EPB41L4A: variants seen among roughly 807,000 people sequenced by gnomAD.
EPB41L4A encodes erythrocyte membrane protein band 4.1 like 4A.
In EPB41L4A, 100 loss-of-function variants were observed where a neutral mutation model predicts 108.6. The observed-to-expected ratio is 0.92, with a 90% CI of 0.78 to 1.09. The LOEUF is 1.09. EPB41L4A is among the 50% of genes least tolerant of loss of function. The pLI, the probability that EPB41L4A is intolerant of heterozygous loss-of-function variation, is 0.00. For synonymous variants in EPB41L4A, 319 were observed against 289.0 expected (o/e 1.10, Z -1.05); for missense variants, 1,030 against 842.7 (o/e 1.22, Z -2.75).
At chr5:112,369,082 T>C (rs1759320042) in intron 1 of EPB41L4A, among the ~76,000 whole-genome samples, 4 of 152,188 alleles carry the variant, frequency 2.6e-5, no homozygotes, top group Admixed American at 1.3e-4. Context: ...TTGGTTTCCA[T>C]AGTATTATCG....
intron 1 of EPB41L4A, among the ~76,000 whole-genome samples, chr5:112,383,907 A>G (rs970599668): frequency 6.6e-6 from 1 of 152,242 alleles, no homozygotes; most frequent in African/African-American, 2.4e-5. Context: ...AGATAGGTTA[A>G]AAGTTAAGTG....
chr5:112,303,101 T>C (rs1580644578), intron 2 of EPB41L4A, among the ~76,000 whole-genome samples: 1 of 152,344 alleles, frequency 6.6e-6, no homozygotes, highest in South Asian at 2.1e-4. Flanking sequence ...TAATCCAGCA[T>C]GACAATCTTC....
At chr5:112,243,133 G>C (rs923125837) in intron 9 of EPB41L4A, among the ~76,000 whole-genome samples, 4 of 150,232 alleles carry the variant, frequency 2.7e-5, no homozygotes, top group African/African-American at 1.0e-4. Context: ...AGAATGGCTT[G>C]AATCCGGGAG....
chr5:112,220,614 C>A (rs1486370268), intron 12 of EPB41L4A, among the ~76,000 whole-genome samples: 4 of 152,134 alleles, frequency 2.6e-5, no homozygotes, highest in African/African-American at 7.2e-5. Context: ...TCTTAGAAAG[C>A]CTCTGTGTGT....
At chr5:112,239,794 C>T in intron 10 of EPB41L4A, 57 bp from the exon 11 acceptor site, 1 of 1,157,694 alleles carries the variant, frequency 8.6e-7, no homozygotes, top group Non-Finnish European at 1.3e-6. Flanking sequence ...GCATTCTGGG[C>T]CACCCCCTTC....
chr5:112,165,517 A>G (rs988576249), intron 22 of EPB41L4A, among the ~76,000 whole-genome samples: 1 of 152,154 alleles, frequency 6.6e-6, no homozygotes, highest in Admixed American at 6.5e-5. Flanking sequence ...GAATGGAACA[A>G]TGTCTTGTGA....
chr5:112,221,146 AC>A (rs527836517), intron 12 of EPB41L4A, among the ~76,000 whole-genome samples: 76 of 152,166 alleles, frequency 5.0e-4, no homozygotes, highest in Non-Finnish European at 9.3e-4. Flanking sequence ...TATACAATCC[AC>A]CCTAGCAGTT....
chr5:112,363,015 T>G (rs531158823), intron 1 of EPB41L4A, among the ~76,000 whole-genome samples: 1 of 152,142 alleles, frequency 6.6e-6, no homozygotes, highest in Non-Finnish European at 1.5e-5. Context: ...GGAAGCCAAT[T>G]CCTACCTGAG....
intron 18 of EPB41L4A, among the ~76,000 whole-genome samples, chr5:112,178,731 A>G (rs772602618): frequency 1.9e-4 from 29 of 152,062 alleles, no homozygotes; most frequent in Non-Finnish European, 3.2e-4. Context: ...GTATGATAAC[A>G]AAAACAATGT....
At chr5:112,371,020 C>T (rs951598413) in intron 1 of EPB41L4A, among the ~76,000 whole-genome samples, 1 of 152,180 alleles carries the variant, frequency 6.6e-6, no homozygotes, top group African/African-American at 2.4e-5. Context: ...TCGTGCAATA[C>T]CTTCTATGCA....
chr5:112,291,268 ACTGGACTC>A (rs1468474011), intron 2 of EPB41L4A, among the ~76,000 whole-genome samples: 1 of 151,872 alleles, frequency 6.6e-6, no homozygotes, highest in African/African-American at 2.4e-5. Context: ...CTCTAGCATC[ACTGGACTC>A]CTCTCAGTTC....
chr5:112,351,811 G>A (rs1242911509), intron 1 of EPB41L4A, among the ~76,000 whole-genome samples: 1 of 152,122 alleles, frequency 6.6e-6, no homozygotes, highest in East Asian at 1.9e-4. Flanking sequence ...CAACTGGGGG[G>A]ATTTCTCCTA....
chr5:112,411,271 T>C (rs1455355112), intron 1 of EPB41L4A, among the ~76,000 whole-genome samples: 1 of 152,026 alleles, frequency 6.6e-6, no homozygotes, highest in Non-Finnish European at 1.5e-5. Flanking sequence ...ATTCTAGTGG[T>C]GGTTGAGGCA....
intron 2 of EPB41L4A, among the ~76,000 whole-genome samples, chr5:112,288,057 G>C (rs1310862049): frequency 6.6e-6 from 1 of 152,176 alleles, no homozygotes; most frequent in Non-Finnish European, 1.5e-5. Flanking sequence ...ATGGCTTCTG[G>C]GCAAAGAATG....
chr5:112,390,733 A>C (rs1760880649), intron 1 of EPB41L4A, among the ~76,000 whole-genome samples: 1 of 152,222 alleles, frequency 6.6e-6, no homozygotes, highest in African/African-American at 2.4e-5. Flanking sequence ...GAGAACGGAC[A>C]GACTGCCTCC....
chr5:112,309,314 T>C (rs887592318), intron 1 of EPB41L4A, among the ~76,000 whole-genome samples: 3 of 152,220 alleles, frequency 2.0e-5, no homozygotes, highest in African/African-American at 4.8e-5. Flanking sequence ...TTGATATCCA[T>C]CTTTCTTTTT....
chr5:112,304,730 T>C (rs576218858), intron 2 of EPB41L4A, among the ~76,000 whole-genome samples: 2 of 152,274 alleles, frequency 1.3e-5, no homozygotes, highest in East Asian at 3.9e-4. Context: ...GAAAGGCCTT[T>C]TACATGTTCA....
At chr5:112,275,884 C>T (rs549298781) in intron 3 of EPB41L4A, among the ~76,000 whole-genome samples, 2 of 152,266 alleles carry the variant, frequency 1.3e-5, no homozygotes, top group South Asian at 2.1e-4. Context: ...AATGTTTAAA[C>T]AGACAGAAGG....
intron 1 of EPB41L4A, among the ~76,000 whole-genome samples, chr5:112,311,514 C>T (rs1012105344): frequency 4.6e-5 from 7 of 152,222 alleles, no homozygotes; most frequent in African/African-American, 1.7e-4. Context: ...CATCTATCTA[C>T]AGCCACTAAG....
Sources: allele counts gnomAD v4.1 joint callset (sites outside exome capture counted in the v4.1 genomes callset), GRCh38; gene constraint gnomAD v4.1.1; transcripts MANE v1.5; gene names NCBI Gene and HGNC (gene_info 2026-07-23, HGNC 2026-07-21).